The following STIM2 variants were observed in gnomAD, a reference collection of about 807,000 sequenced individuals.
The protein encoded by STIM2 is stromal interaction molecule 2.
A neutral mutation model predicts 85.8 loss-of-function variants in STIM2; 31 were observed. That is an observed-to-expected ratio of 0.36 (90% confidence interval 0.27 to 0.49). The LOEUF (loss-of-function observed/expected upper bound fraction) is 0.49. STIM2 is among the 20% of genes least tolerant of loss of function. STIM2 has a pLI of 0.98. For missense variants in STIM2, 841 were observed against 927.6 expected, an observed-to-expected ratio of 0.91 and a Z score of 1.21; for synonymous variants, 356 against 331.1, an observed-to-expected ratio of 1.08 and a Z score of -0.82.
At chr4:26,997,002 AAT>A (rs1727981295) in intron 4 of STIM2, among the ~76,000 whole-genome samples, 1 of 152,172 alleles carries the variant, frequency 6.6e-6, no homozygotes, top group South Asian at 2.1e-4. Context: ...CAACTCCTTA[AAT>A]AGTGAACATG....
chr4:26,991,658 C>T (rs1346707479), intron 3 of STIM2, among the ~76,000 whole-genome samples: 8 of 151,892 alleles, frequency 5.3e-5, no homozygotes, highest in African/African-American at 2.4e-5. Context: ...ACATTGTATA[C>T]GTGTATCAAA....
chr4:26,967,989 G>C (rs1726792648), intron 3 of STIM2, among the ~76,000 whole-genome samples: 1 of 152,076 alleles, frequency 6.6e-6, no homozygotes, highest in Non-Finnish European at 1.5e-5. Context: ...GGCCAACAAA[G>C]TGAGACTCCA....
At chr4:27,001,916 T>C (rs1392814442) in intron 5 of STIM2, among the ~76,000 whole-genome samples, 2 of 152,136 alleles carry the variant, frequency 1.3e-5, no homozygotes, top group Non-Finnish European at 2.9e-5. Context: ...CAGCATATGA[T>C]TGGAGGTGCT....
chr4:26,909,564 C>T (rs976590832), intron 1 of STIM2, among the ~76,000 whole-genome samples: 3 of 152,178 alleles, frequency 2.0e-5, no homozygotes, highest in Non-Finnish European at 4.4e-5. Context: ...GGATCAATGC[C>T]TGGAACTAAC....
intron 4 of STIM2, among the ~76,000 whole-genome samples, chr4:26,998,484 AAATC>A (rs1453153775): frequency 6.6e-6 from 1 of 152,188 alleles, no homozygotes; most frequent in Non-Finnish European, 1.5e-5. Context: ...CTTTTAAAGA[AAATC>A]AATATGATCT....
At chr4:26,910,886 A>C (rs1724309407) in intron 1 of STIM2, among the ~76,000 whole-genome samples, 1 of 152,104 alleles carries the variant, frequency 6.6e-6, no homozygotes, top group African/African-American at 2.4e-5. Flanking sequence ...TAACTTTTTA[A>C]ATGTCTCTGG....
At chr4:26,907,113 T>G (rs912708554) in intron 1 of STIM2, among the ~76,000 whole-genome samples, 1 of 152,196 alleles carries the variant, frequency 6.6e-6, no homozygotes, top group African/African-American at 2.4e-5. Flanking sequence ...ATTTTTTGAA[T>G]AGGAAGGGCA....
chr4:26,905,144 G>A (rs914713727), intron 1 of STIM2, among the ~76,000 whole-genome samples: 1 of 152,198 alleles, frequency 6.6e-6, no homozygotes, highest in Admixed American at 6.5e-5. Context: ...GAAATAGAAT[G>A]GGAGAGTGAA....
At chr4:26,951,339 A>G (rs1457887531) in intron 2 of STIM2, among the ~76,000 whole-genome samples, 2 of 152,112 alleles carry the variant, frequency 1.3e-5, no homozygotes, top group African/African-American at 2.4e-5. Flanking sequence ...CGAATGTGCC[A>G]TTTCCCACAC....
chr4:27,006,168 T>C (rs1216701306), intron 7 of STIM2, among the ~76,000 whole-genome samples: 1 of 152,232 alleles, frequency 6.6e-6, no homozygotes, highest in Admixed American at 6.5e-5. Context: ...GTTAGTGCTC[T>C]TCCCCTTACT....
chr4:26,941,158 G>A (rs1725596306), intron 2 of STIM2, among the ~76,000 whole-genome samples: 1 of 152,098 alleles, frequency 6.6e-6, no homozygotes, highest in South Asian at 2.1e-4. Flanking sequence ...TACACATCCT[G>A]TATTCTCATG....
chr4:27,008,903 T>C lies in STIM2; in HGVS notation c.1390T>C (p.Trp464Arg), dbSNP rs754112174. Residue 464 changes from tryptophan to arginine, a missense_variant, in exon 10 of 12, where the codon TGG becomes CGG. Physicochemically the swap from Trp to Arg is moderately radical, Grantham distance 101. Transcript: ENST00000467087. ...CTCTTCCCTTTATTCTGATCACAGC[T>C]GGGTGGTGATGCCCAGAGTCTCCAT... 2.5e-6 allele frequency: 4 copies of C among 1,614,182 alleles called. No homozygotes were observed. In the East Asian group the frequency reaches 8.9e-5, roughly 36 times the overall value.
At chr4:26,952,800 T>C (rs760943664) in intron 2 of STIM2, among the ~76,000 whole-genome samples, 11 of 152,232 alleles carry the variant, frequency 7.2e-5, no homozygotes, top group Middle Eastern at 3.4e-3. Flanking sequence ...CAGGTGAGCA[T>C]GGTGGTGAAG....
intron 1 of STIM2, among the ~76,000 whole-genome samples, chr4:26,880,432 A>T (rs1005815978): frequency 3.9e-5 from 6 of 151,966 alleles, no homozygotes; most frequent in Non-Finnish European, 5.9e-5. Flanking sequence ...ATTACATTTT[A>T]ATATGCTTAT....
chr4:26,947,891 A>G (rs1326504473), intron 2 of STIM2, among the ~76,000 whole-genome samples: 1 of 152,202 alleles, frequency 6.6e-6, no homozygotes, highest in Non-Finnish European at 1.5e-5. Context: ...ATCTTTTTCT[A>G]AGAACCTATC....
At chr4:26,907,132 T>G (rs1724162293) in intron 1 of STIM2, among the ~76,000 whole-genome samples, 1 of 152,184 alleles carries the variant, frequency 6.6e-6, no homozygotes, top group Non-Finnish European at 1.5e-5. Context: ...CAATATTAAC[T>G]TATATGCATA....
At chr4:26,937,122 T>C (rs1323100343) in intron 2 of STIM2, among the ~76,000 whole-genome samples, 1 of 152,192 alleles carries the variant, frequency 6.6e-6, no homozygotes, top group Non-Finnish European at 1.5e-5. Flanking sequence ...CCACAACCCC[T>C]GCTTCAACTA....
intron 2 of STIM2, among the ~76,000 whole-genome samples, chr4:26,940,752 T>G (rs552636287): frequency 2.4e-4 from 36 of 152,262 alleles, no homozygotes; most frequent in Admixed American, 1.6e-3. Context: ...GAACATAATA[T>G]TTTGCTATTC....
chr4:26,928,799 A>G (rs1577443742), intron 2 of STIM2, among the ~76,000 whole-genome samples: 1 of 152,266 alleles, frequency 6.6e-6, no homozygotes, highest in Non-Finnish European at 1.5e-5. Context: ...AATTTTAGGC[A>G]TGTTGTAATA....
Sources: gnomAD v4.1 joint callset for allele counts (sites outside exome capture counted in the v4.1 genomes callset) on GRCh38, gnomAD v4.1.1 for gene constraint, MANE v1.5 for transcripts, NCBI Gene and HGNC (gene_info 2026-07-23, HGNC 2026-07-21) for gene names.